The following SCFD1 variants were observed in gnomAD, a reference collection of about 807,000 sequenced individuals.
SCFD1 encodes sec1 family domain containing 1, also known as sec1 family domain-containing protein 1.
In SCFD1, 37 loss-of-function variants were observed where a neutral mutation model predicts 103.2. The ratio of observed to expected loss-of-function variants is 0.36; its 90% CI spans 0.28 to 0.47. The LOEUF (loss-of-function observed/expected upper bound fraction) is 0.47. Ranked by LOEUF, SCFD1 falls within the 20% of genes least tolerant of loss-of-function variation. The pLI is 1.00. For missense variants in SCFD1, 639 were observed against 761.2 expected (o/e 0.84, Z 1.89); for synonymous variants, 264 against 245.0 (o/e 1.08, Z -0.73).
At chr14:30,702,002 A>G (rs1891112652) in intron 16 of SCFD1, among the ~76,000 whole-genome samples, 2 of 152,208 alleles carry the variant, frequency 1.3e-5, no homozygotes. Flanking sequence ...GAAGAAAAGC[A>G]GTCTATCCCA....
chr14:30,631,997 G>A (rs958220663), intron 3 of SCFD1, among the ~76,000 whole-genome samples: 21 of 132,522 alleles, frequency 1.6e-4, no homozygotes, highest in African/African-American at 3.4e-4. Context: ...GTAGTGAACC[G>A]AGATCGTGAC....
At chr14:30,681,294 A>C (rs2139254436) in intron 14 of SCFD1, among the ~76,000 whole-genome samples, 1 of 152,236 alleles carries the variant, frequency 6.6e-6, no homozygotes, top group South Asian at 2.1e-4. Flanking sequence ...GCCATAAAAA[A>C]CAAGACAACA....
intron 13 of SCFD1, 55 bp downstream of exon 13, chr14:30,674,052 T>A (rs45471392): frequency 0.042 from 54,401 of 1,281,914 alleles, 1,292 homozygotes; most frequent in Middle Eastern, 0.065. Flanking sequence ...ATTTTTTTTT[T>A]ATTTAACTAA....
chr14:30,672,021 AAAAAAAAG>A (rs1888590642), intron 11 of SCFD1, among the ~76,000 whole-genome samples: 1 of 151,798 alleles, frequency 6.6e-6, no homozygotes, highest in South Asian at 2.1e-4. Context: ...TCTTAAAAAA[AAAAAAAAG>A]AAAGAAAAGA....
At chr14:30,722,610 G>T in intron 23 of SCFD1, 51 bp downstream of exon 23, 1 of 1,167,568 alleles carries the variant, frequency 8.6e-7, no homozygotes, top group South Asian at 1.4e-5. Context: ...TTCATAGGTA[G>T]AACACTAGCA....
intron 7 of SCFD1, among the ~76,000 whole-genome samples, chr14:30,649,159 T>G (rs1886157329): frequency 6.6e-6 from 1 of 152,146 alleles, no homozygotes; most frequent in Non-Finnish European, 1.5e-5. Flanking sequence ...TTTTTACCCT[T>G]GAAATTATAA....
rs1019882422 is a variant in SCFD1 at position 30,643,545 on chromosome 14, T to C, written c.613+140T>C. 3.2e-5 allele frequency: 20 copies of C among 623,266 alleles called. No individual in the cohort carries two copies. The African/African-American group carries it at 3.7e-4, about 12-fold the overall frequency. 38.6% of individuals were successfully genotyped at this position (623,266 alleles called of 1,614,324 possible). On this transcript the variant is annotated intron_variant, in intron 7 of 24. Transcript: ENST00000458591. Reference sequence around the variant, plus strand: ...CGAGTGGAGTAAAATATATATTCAATAGTATATAAAAACAATTCTTCCAAT... The same window carrying C: ...CGAGTGGAGTAAAATATATATTCAACAGTATATAAAAACAATTCTTCCAAT...
At chr14:30,724,921 A>G (rs768105812) in intron 23 of SCFD1, among the ~76,000 whole-genome samples, 2 of 152,178 alleles carry the variant, frequency 1.3e-5, no homozygotes, top group African/African-American at 2.4e-5. Context: ...CAGTTATCCT[A>G]GCACCATTTA....
chr14:30,725,708 C>T (rs1892996181), intron 23 of SCFD1, among the ~76,000 whole-genome samples: 1 of 152,168 alleles, frequency 6.6e-6, no homozygotes, highest in African/African-American at 2.4e-5. Context: ...CTGGCCAGAA[C>T]TTCCAATACT....
At chr14:30,637,630 A>G (rs1420123855) in intron 4 of SCFD1, among the ~76,000 whole-genome samples, 1 of 152,172 alleles carries the variant, frequency 6.6e-6, no homozygotes, top group Non-Finnish European at 1.5e-5. Flanking sequence ...TAAGAAGATA[A>G]GTAAATTTGA....
intron 14 of SCFD1, among the ~76,000 whole-genome samples, chr14:30,682,615 A>G (rs1272576669): frequency 6.6e-6 from 1 of 152,232 alleles, no homozygotes; most frequent in Non-Finnish European, 1.5e-5. Flanking sequence ...ACAATAATGA[A>G]CAAGCAGTCT....
At chr14:30,636,608 C>T (rs967030685) in intron 4 of SCFD1, among the ~76,000 whole-genome samples, 2 of 152,054 alleles carry the variant, frequency 1.3e-5, no homozygotes, top group African/African-American at 4.8e-5. Flanking sequence ...TATGCCTGTA[C>T]CACACAGTGT....
Position 30,622,383 on chromosome 14 carries a change from T to C in SCFD1, c.45T>C (p.Ile15=). 1 of 1,556,114 alleles carries C rather than the reference T, an allele frequency of 6.4e-7. No individual in the cohort carries two copies. The highest frequency in any genetic ancestry group is 8.7e-7 in the Non-Finnish European group (1 of 1,149,506). The stretch of plus-strand genomic sequence containing the variant: ...CGACAGCAGCAGCAGCAGCCAGTAT[T>C]CGGGAAAGGCAGACAGGTACTGACT... ...AAATAAAAAS[I]RERQTVALKR... The change falls in exon 1 of 25, where the codon ATT becomes ATC. Residue 15 remains isoleucine, a synonymous_variant. Coordinates refer to ENST00000458591, the MANE Select transcript of SCFD1 (RefSeq NM_016106.4).
intron 17 of SCFD1, among the ~76,000 whole-genome samples, chr14:30,704,484 T>G (rs1891333020): frequency 6.6e-6 from 1 of 152,202 alleles, no homozygotes; most frequent in Non-Finnish European, 1.5e-5. Context: ...TATTTAACCC[T>G]TCTTTGTTGT....
In SCFD1 at chr14:30,713,044, C is replaced by T. The variant is rs78565229; in HGVS notation, c.1630-2880C>T. ...TGCTAATATGTTAGCTGCTAAAATC[C>T]GGTTTTTTTAACCAGTAAAACTTGA... On this transcript the variant is annotated intron_variant, in intron 19 of 24. Transcript: ENST00000458591. Among the ~76,000 whole-genome samples, 59 of 151,920 alleles carry T rather than the reference C, an allele frequency of 3.9e-4. No individual in the cohort carries two copies. The East Asian group carries it at 4.6e-3, about 12-fold the overall frequency.
At chr14:30,717,298 AAACCCT>A (rs1892343165) in intron 20 of SCFD1, among the ~76,000 whole-genome samples, 2 of 152,158 alleles carry the variant, frequency 1.3e-5, no homozygotes, top group African/African-American at 4.8e-5. Context: ...CCATGTGGTG[AAACCCT>A]GTCTCTACAA....
At chr14:30,685,345 CA>C (rs1159810390) in intron 14 of SCFD1, among the ~76,000 whole-genome samples, 1 of 4,140 alleles carries the variant, frequency 2.4e-4, no homozygotes, top group Non-Finnish European at 3.0e-4. Context: ...ATGGCTGGGT[CA>C]AATGGTATTT....
chr14:30,732,498 C>G (rs1893545330), intron 23 of SCFD1, among the ~76,000 whole-genome samples: 1 of 152,058 alleles, frequency 6.6e-6, no homozygotes, highest in Non-Finnish European at 1.5e-5. Context: ...TTTTTAAATC[C>G]CTTTTAGTTT....
chr14:30,733,997 C>G (rs1057447341), intron 23 of SCFD1, among the ~76,000 whole-genome samples: 1 of 152,082 alleles, frequency 6.6e-6, no homozygotes, highest in African/African-American at 2.4e-5. Flanking sequence ...TATACCATCT[C>G]ATTTTGAAAA....
Sources: gnomAD v4.1 joint callset for allele counts (sites outside exome capture counted in the v4.1 genomes callset) on GRCh38, gnomAD v4.1.1 for gene constraint, MANE v1.5 for transcripts, NCBI Gene and HGNC (gene_info 2026-07-23, HGNC 2026-07-21) for gene names.